CCSER1: variants seen among roughly 807,000 people sequenced by gnomAD.
CCSER1 encodes serine-rich coiled-coil domain-containing protein 1.
Under a neutral mutation model 82.0 loss-of-function variants are expected in CCSER1, and 41 were observed. The observed-to-expected ratio is 0.50, with a 90% CI of 0.39 to 0.65. The LOEUF (loss-of-function observed/expected upper bound fraction) is 0.65, where lower values mean the gene tolerates loss of function less well. Ranked by LOEUF, CCSER1 falls within the 30% of genes least tolerant of loss-of-function variation. CCSER1 has a pLI of 0.00. For synonymous variants in CCSER1, 414 were observed against 383.9 expected (o/e 1.08, Z -0.92); for missense variants, 1,119 against 1,064.2 (o/e 1.05, Z -0.72).
At chr4:91,500,455 A>G (rs938492321) in intron 10 of CCSER1, among the ~76,000 whole-genome samples, 8 of 151,972 alleles carry the variant, frequency 5.3e-5, no homozygotes, top group Non-Finnish European at 8.8e-5. Context: ...CTTAAGCTAT[A>G]TTCTTCATAA....
chr4:90,906,673 T>A (rs916498163), intron 8 of CCSER1, among the ~76,000 whole-genome samples: 6 of 152,122 alleles, frequency 3.9e-5, no homozygotes, highest in Admixed American at 3.9e-4. Context: ...ATCCTGATCT[T>A]CCTCAATAAA....
intron 10 of CCSER1, among the ~76,000 whole-genome samples, chr4:91,190,301 C>T (rs1486846750): frequency 6.6e-6 from 1 of 152,058 alleles, no homozygotes; most frequent in African/African-American, 2.4e-5. Context: ...TTTTAGTTAC[C>T]CCAGAGAATC....
At chr4:90,654,598 T>C (rs1729371407) in intron 6 of CCSER1, among the ~76,000 whole-genome samples, 1 of 152,140 alleles carries the variant, frequency 6.6e-6, no homozygotes, top group Non-Finnish European at 1.5e-5. Flanking sequence ...TTCTCTTTCA[T>C]AGAAGCTAGC....
chr4:90,579,439 C>T (rs1228399163), intron 5 of CCSER1, among the ~76,000 whole-genome samples: 1 of 152,140 alleles, frequency 6.6e-6, no homozygotes, highest in East Asian at 1.9e-4. Context: ...GACATAAAAT[C>T]ACTGCTTTAT....
intron 9 of CCSER1, among the ~76,000 whole-genome samples, chr4:91,026,650 G>T (rs1369633667): frequency 6.6e-6 from 1 of 151,920 alleles, no homozygotes; most frequent in Non-Finnish European, 1.5e-5. Context: ...TTCTATACAC[G>T]GGATAGCAAG....
intron 9 of CCSER1, among the ~76,000 whole-genome samples, chr4:91,069,272 T>C (rs1222412320): frequency 5.9e-5 from 9 of 152,174 alleles, no homozygotes; most frequent in Admixed American, 4.6e-4. Context: ...TTTATTAATT[T>C]TCCTGAAAAA....
At chr4:90,699,684 A>G (rs6813591) in intron 6 of CCSER1, among the ~76,000 whole-genome samples, 149,913 of 152,292 alleles carry the variant, frequency 0.98, 73,797 homozygotes, top group East Asian at 1. Context: ...GCACTGGCAA[A>G]GCAGCTTCTG....
At chr4:90,881,617 C>CAA (rs1344493780) in intron 8 of CCSER1, among the ~76,000 whole-genome samples, 2 of 138,932 alleles carry the variant, frequency 1.4e-5, no homozygotes, top group Admixed American at 8.3e-5. Context: ...ACCAAAAATG[C>CAA]AACAACAACA....
intron 5 of CCSER1, among the ~76,000 whole-genome samples, chr4:90,588,841 T>C (rs770909329): frequency 6.6e-6 from 1 of 152,178 alleles, no homozygotes; most frequent in Non-Finnish European, 1.5e-5. Flanking sequence ...GCTTCCACCA[T>C]GATGGTGAGC....
chr4:90,918,265 T>C (rs1479298500), intron 8 of CCSER1: 1 of 455,532 alleles, frequency 2.2e-6, no homozygotes, highest in East Asian at 6.9e-5. Context: ...GGCCATCATG[T>C]TCCAAGTTTT....
intron 8 of CCSER1, chr4:90,918,356 T>G: frequency 2.3e-6 from 1 of 426,590 alleles, no homozygotes; most frequent in South Asian, 1.7e-5. Flanking sequence ...TGGGATAAAT[T>G]GGACTGATTT....
At chr4:90,933,937 C>G (rs1309589492) in intron 9 of CCSER1, among the ~76,000 whole-genome samples, 2 of 151,658 alleles carry the variant, frequency 1.3e-5, no homozygotes, top group African/African-American at 4.8e-5. Context: ...TTTTCTCCTA[C>G]TAAATAATAA....
At chr4:91,079,892 T>A (rs536353102) in intron 9 of CCSER1, among the ~76,000 whole-genome samples, 3 of 152,112 alleles carry the variant, frequency 2.0e-5, no homozygotes, top group Non-Finnish European at 4.4e-5. Flanking sequence ...AGGCACCCAA[T>A]ACAGGAGCAC....
chr4:91,235,633 CA>C lies in CCSER1; in HGVS notation c.2217+149643del, dbSNP rs1738941114. Among the ~76,000 whole-genome samples, 3 of 151,898 alleles carry C rather than the reference CA, an allele frequency of 2.0e-5. No individual in the cohort carries two copies. In the East Asian group the frequency reaches 5.8e-4, roughly 29 times the overall value. Reference sequence around the variant, plus strand: ...TCAAGTTTTATGTTCTGTACTTATCCAAAATAGGGCAGCCTCATTTTTTTTT... The same window carrying C: ...TCAAGTTTTATGTTCTGTACTTATCCAAATAGGGCAGCCTCATTTTTTTTT... On this transcript the variant is annotated intron_variant, in intron 10 of 10. Transcript: ENST00000509176.
chr4:90,397,350 T>G (rs1393880152), intron 3 of CCSER1, among the ~76,000 whole-genome samples: 1 of 152,214 alleles, frequency 6.6e-6, no homozygotes, highest in Non-Finnish European at 1.5e-5. Context: ...AGAATAGCAG[T>G]GGCAGAGATT....
intron 10 of CCSER1, among the ~76,000 whole-genome samples, chr4:91,506,427 T>C (rs545172619): frequency 7.2e-5 from 11 of 152,220 alleles, no homozygotes; most frequent in African/African-American, 2.4e-4. Context: ...TTTGGCTATA[T>C]GGGCTATTTT....
At chr4:90,227,919 T>G (rs535478455) in intron 1 of CCSER1, among the ~76,000 whole-genome samples, 1 of 152,322 alleles carries the variant, frequency 6.6e-6, no homozygotes, top group East Asian at 1.9e-4. Flanking sequence ...TCCGACGGGC[T>G]TAAAAAACGC....
At chr4:90,351,737 T>G (rs1325312416) in intron 3 of CCSER1, among the ~76,000 whole-genome samples, 4 of 152,162 alleles carry the variant, frequency 2.6e-5, no homozygotes, top group African/African-American at 4.8e-5. Flanking sequence ...CTTCTGCAGA[T>G]TTTGTCTACA....
intron 8 of CCSER1, among the ~76,000 whole-genome samples, chr4:90,859,453 A>G (rs149709962): frequency 6.6e-6 from 1 of 151,958 alleles, no homozygotes; most frequent in African/African-American, 2.4e-5. Flanking sequence ...TATGATTCAT[A>G]AACACTGACA....
Sources: gnomAD v4.1 joint callset for allele counts (sites outside exome capture counted in the v4.1 genomes callset) on GRCh38, gnomAD v4.1.1 for gene constraint, MANE v1.5 for transcripts, NCBI Gene and HGNC (gene_info 2026-07-23, HGNC 2026-07-21) for gene names.